KIAA2012: variants seen among roughly 807,000 people sequenced by gnomAD.
KIAA2012 encodes uncharacterized protein KIAA2012.
Under a neutral mutation model 150.6 loss-of-function variants are expected in KIAA2012, and 125 were observed. The observed-to-expected ratio is 0.83, with a 90% CI of 0.72 to 0.96. The LOEUF (loss-of-function observed/expected upper bound fraction) is 0.96. Ranked by LOEUF, KIAA2012 falls within the 40% of genes least tolerant of loss-of-function variation. The pLI is 0.00. For missense variants in KIAA2012, 1,219 were observed against 1,354.9 expected (o/e 0.90, Z 1.57); for synonymous variants, 462 against 504.7 (o/e 0.92, Z 1.13).
chr2:202,192,548 C>G (rs962529582), intron 19 of KIAA2012, among the ~76,000 whole-genome samples: 2 of 151,490 alleles, frequency 1.3e-5, no homozygotes, highest in Non-Finnish European at 2.9e-5. Flanking sequence ...ACCTCTGCCT[C>G]CCGGGTTCAA....
chr2:202,173,794 A>G (rs1335661719), intron 15 of KIAA2012, among the ~76,000 whole-genome samples: 1 of 152,200 alleles, frequency 6.6e-6, no homozygotes, highest in Admixed American at 6.5e-5. Context: ...GAAAAGCCTT[A>G]GGGTCATCTC....
At chr2:202,132,483 A>G (rs149047269) in intron 12 of KIAA2012, among the ~76,000 whole-genome samples, 4,690 of 151,750 alleles carry the variant, frequency 0.031, 232 homozygotes, top group African/African-American at 0.1. Context: ...CCTGGCCAAC[A>G]TGGCAAAACC....
At chr2:202,089,395 T>C (rs1689661692) in intron 2 of KIAA2012, among the ~76,000 whole-genome samples, 1 of 152,240 alleles carries the variant, frequency 6.6e-6, no homozygotes, top group Admixed American at 6.5e-5. Flanking sequence ...TTTATTGTTT[T>C]GACATCAAGC....
At chr2:202,185,764 G>A (rs562039262) in intron 16 of KIAA2012, among the ~76,000 whole-genome samples, 11 of 152,080 alleles carry the variant, frequency 7.2e-5, no homozygotes, top group Non-Finnish European at 1.3e-4. Context: ...AAACAATCAG[G>A]TTTGTGGTTC....
intron 11 of KIAA2012, 47 bp from the exon 12 acceptor site, chr2:202,125,167 A>T: frequency 6.9e-7 from 1 of 1,450,632 alleles, no homozygotes; most frequent in Non-Finnish European, 9.5e-7. Context: ...ATAAATTTTT[A>T]CAAGACTTTT....
chr2:202,113,367 C>T lies in KIAA2012; in HGVS notation c.1683C>T (p.Phe561=), dbSNP rs1466391240. Residue 561 remains phenylalanine (F), a synonymous_variant, in exon 11 of 24, where the codon TTC becomes TTT. Transcript: ENST00000498697. ...CCAGCGACCCTACACTGGGACACTT[C>T]TTGCTGGGTCCAGATGGAGAAAAAG... is the stretch of plus-strand genomic sequence containing the variant. ...EDSSDPTLGH[F]LLGPDGEKVC... is the part of the protein sequence containing the mutation. 2 of 1,550,616 alleles carry T rather than the reference C, an allele frequency of 1.3e-6. No homozygotes were observed. The highest frequency in any genetic ancestry group is 1.7e-6 in the Non-Finnish European group (2 of 1,147,022).
intron 2 of KIAA2012, among the ~76,000 whole-genome samples, chr2:202,080,821 C>A (rs1689435787): frequency 1.3e-5 from 2 of 152,028 alleles, no homozygotes; most frequent in African/African-American, 4.8e-5. Context: ...AAGGTAGGTG[C>A]CTTTTTTATT....
At chr2:202,193,729 CTCTT>C (rs1190155740) in intron 20 of KIAA2012, among the ~76,000 whole-genome samples, 1 of 152,204 alleles carries the variant, frequency 6.6e-6, no homozygotes, top group African/African-American at 2.4e-5. Context: ...GAATGTCACT[CTCTT>C]TCAAGTTTAG....
Position 202,196,186 on chromosome 2 carries a change from C to CTTTTCTTTT in KIAA2012, c.3188-610_3188-609insCTTTTTTTT, listed in dbSNP as rs59455367. 1.9e-3 allele frequency among the ~76,000 whole-genome samples: 148 copies of CTTTTCTTTT among 79,652 alleles called. 2 individuals are homozygous for CTTTTCTTTT. The highest frequency in any genetic ancestry group is 2.5e-3 in the African/African-American group (41 of 16,466). 52.3% of individuals were successfully genotyped at this position (79,652 alleles called of 152,430 possible). A position where few individuals can be genotyped will look rare whatever the true frequency, so the allele number is the denominator to read the frequency against. On this transcript the variant is annotated intron_variant, in intron 21 of 23. Transcript: ENST00000498697. The stretch of plus-strand genomic sequence containing the variant: ...CACCAAGTTTCTTTTCTTTTCTTTT[C>CTTTTCTTTT]TTTTTTTTTTTTTTTTTTTTTTTTT...
intron 20 of KIAA2012, 51 bp from the exon 21 acceptor site, chr2:202,194,139 G>A: frequency 1.9e-6 from 3 of 1,543,590 alleles, no homozygotes; most frequent in South Asian, 2.4e-5. Flanking sequence ...CATCTCACAA[G>A]GATGCCTCAG....
chr2:202,103,148 G>T, intron 8 of KIAA2012, 34 bp downstream of exon 8: 1 of 1,544,732 alleles, frequency 6.5e-7, no homozygotes, highest in Non-Finnish European at 8.7e-7. Context: ...TCCTGAGGGA[G>T]AGCCTGGGAT....
At chr2:202,123,593 A>G (rs1690707870) in intron 11 of KIAA2012, among the ~76,000 whole-genome samples, 2 of 152,172 alleles carry the variant, frequency 1.3e-5, no homozygotes, top group South Asian at 4.2e-4. Context: ...GGCTTTGTCA[A>G]GCCCCACCGC....
intron 14 of KIAA2012, among the ~76,000 whole-genome samples, chr2:202,162,359 C>T (rs1007867412): frequency 1.5e-4 from 23 of 151,938 alleles, no homozygotes; most frequent in Non-Finnish European, 2.5e-4. Context: ...ACTGCAACCT[C>T]CGCCTGCTGG....
At chr2:202,176,472 C>T (rs1325114431) in intron 15 of KIAA2012, among the ~76,000 whole-genome samples, 2 of 152,192 alleles carry the variant, frequency 1.3e-5, no homozygotes, top group Non-Finnish European at 2.9e-5. Context: ...GCTGGGATTA[C>T]AGGTGTGAGC....
intron 7 of KIAA2012, among the ~76,000 whole-genome samples, chr2:202,101,050 G>A (rs1031648186): frequency 4.6e-5 from 7 of 152,170 alleles, no homozygotes; most frequent in East Asian, 3.8e-4. Flanking sequence ...TGTTCTGCCC[G>A]GAGTAGCTAT....
intron 14 of KIAA2012, among the ~76,000 whole-genome samples, 197 bp downstream of exon 14, chr2:202,155,007 G>T (rs1458457650): frequency 2.6e-5 from 4 of 152,188 alleles, no homozygotes; most frequent in African/African-American, 9.6e-5. Context: ...AGCCATCGGG[G>T]ACAAATCAGT....
chr2:202,165,220 A>C (rs2105722846), intron 14 of KIAA2012, 64 bp from the exon 15 acceptor site: 1 of 1,428,232 alleles, frequency 7.0e-7, no homozygotes, highest in East Asian at 2.5e-5. Context: ...GGGATCACAG[A>C]AGTGTTTTAA....
At chr2:202,090,705 A>C in intron 2 of KIAA2012, 65 bp from the exon 3 acceptor site, 1 of 1,463,894 alleles carries the variant, frequency 6.8e-7, no homozygotes, top group East Asian at 2.5e-5. Flanking sequence ...TGTGCTAACC[A>C]GCCTGTATCA....
chr2:202,152,564 AT>A (rs901735151), intron 13 of KIAA2012, among the ~76,000 whole-genome samples: 2 of 152,174 alleles, frequency 1.3e-5, no homozygotes, highest in African/African-American at 4.8e-5. Flanking sequence ...CTATCCAGTG[AT>A]TCATGCATGA....
Sources: allele counts gnomAD v4.1 joint callset (sites outside exome capture counted in the v4.1 genomes callset), GRCh38; gene constraint gnomAD v4.1.1; transcripts MANE v1.5; gene names NCBI Gene and HGNC (gene_info 2026-07-23, HGNC 2026-07-21).